The following AGAP3 variants were observed in gnomAD, a reference collection of about 807,000 sequenced individuals.
AGAP3 encodes the protein ArfGAP with GTPase domain, ankyrin repeat and PH domain 3, also known as arf-GAP with GTPase, ANK repeat and PH domain-containing protein 3.
Under a neutral mutation model 96.9 loss-of-function variants are expected in AGAP3, and 24 were observed. The ratio of observed to expected loss-of-function variants is 0.25; its 90% CI spans 0.18 to 0.35. The LOEUF (loss-of-function observed/expected upper bound fraction) is 0.35. Among genes scored for constraint, AGAP3 ranks in the 10% least tolerant of loss-of-function variants. The pLI, the probability that AGAP3 is intolerant of heterozygous loss-of-function variation, is 1.00. For missense variants in AGAP3, 876 were observed against 1,254.2 expected (o/e 0.70, Z 4.55); for synonymous variants, 563 against 536.1 (o/e 1.05, Z -0.69).
intron 1 of AGAP3, chr7:151,116,492 T>G (rs1585072297): frequency 4.3e-6 from 2 of 465,486 alleles, no homozygotes; most frequent in Non-Finnish European, 3.9e-6. Flanking sequence ...TGTGGCTTGG[T>G]GGGGGGACAA....
chr7:151,086,857 C>T lies in AGAP3; in HGVS notation c.116C>T (p.Ala39Val). ...GTCTGCGGCGGGCAGTTCGGCGGCG[C>T]GGGGCCCGGGGCCGGGGGCGGCGGC... ...QLVCGGQFGG[A>V]GPGAGGGGGP... The change falls in exon 1 of 18, where the codon GCG becomes GTG. Residue 39 changes from alanine to valine, a missense_variant. Ala to Val is a moderately conservative substitution (Grantham distance 64). This residue lies in a region of AGAP3 where 62 missense variants were observed against 82.8 expected (regional missense o/e 0.75). Coordinates refer to ENST00000397238, the MANE Select transcript of AGAP3 (RefSeq NM_031946.7). 7.1e-6 allele frequency: 7 copies of T among 982,216 alleles called. No homozygotes were observed. In the South Asian group the frequency reaches 2.5e-4, roughly 35 times the overall value. 60.8% of individuals were successfully genotyped at this position (982,216 alleles called of 1,614,324 possible).
rs975771049 is a variant in AGAP3, at chr7:151,116,994, C to G, written c.391-101C>G. ...CTCTGCCCTCTCTCCTCCCCTTCAG[C>G]CCTGGCCTTTCTCCCTCCTGCTGCT... is the stretch of plus-strand genomic sequence containing the variant. On this transcript the variant is annotated intron_variant, in intron 2 of 17. Transcript: ENST00000397238. 4.7e-6 allele frequency: 7 copies of G among 1,474,444 alleles called. No homozygotes were observed. In the African/African-American group the frequency reaches 6.9e-5, roughly 15 times the overall value. The allele number at this position is 1,474,444 out of a possible 1,614,324, so 91.3% of individuals were successfully genotyped here. A position where few individuals can be genotyped will look rare whatever the true frequency, so the allele number is the denominator to read the frequency against.
intron 7 of AGAP3, 124 bp from the exon 8 acceptor site, chr7:151,119,863 G>C (rs1799786107): frequency 2.4e-6 from 2 of 823,218 alleles, no homozygotes; most frequent in South Asian, 3.4e-5. Flanking sequence ...GTAGGGGCTA[G>C]TGGCCCCTCT....
In AGAP3 at chr7:151,139,133, A is replaced by G. The variant is rs1256401553; in HGVS notation, c.1666+820A>G. Among the ~76,000 whole-genome samples the G allele has an allele frequency of 6.6e-6, 1 of 152,192 alleles. No individual in the cohort carries two copies. The highest frequency in any genetic ancestry group is 1.9e-4 in the East Asian group (1 of 5,188). ...TTGTCCTGAGTGATGGTGTAATGAC[A>G]GGAAGACCCAGGGTGCCCCACTGTC... is the stretch of plus-strand genomic sequence containing the variant. On this transcript the variant is annotated intron_variant, in intron 12 of 17. Coordinates refer to ENST00000397238, the MANE Select transcript of AGAP3 (RefSeq NM_031946.7). This position sits in a 1 kb window ranked among gnomAD's most constrained non-coding sequence, Gnocchi z 4.9.
intron 1 of AGAP3, chr7:151,115,695 G>C (rs1799540502): frequency 3.7e-6 from 4 of 1,073,240 alleles, no homozygotes; most frequent in East Asian, 9.6e-5. Context: ...CGGGAGAAAA[G>C]CCGGACGCGC....
At chr7:151,123,461 C>A in intron 8 of AGAP3, 6 of 1,164,744 alleles carry the variant, frequency 5.2e-6, no homozygotes, top group South Asian at 2.3e-5. Context: ...CCTGTGCTCC[C>A]GACCAGCAGC....
chr7:151,132,352 C>G (rs1446167346), intron 10 of AGAP3, among the ~76,000 whole-genome samples: 1 of 152,244 alleles, frequency 6.6e-6, no homozygotes, highest in Middle Eastern at 3.2e-3. Flanking sequence ...ATGAACAAGA[C>G]TTTAGCACAT....
At chr7:151,105,983 C>CA (rs1162536123) in intron 1 of AGAP3, among the ~76,000 whole-genome samples, 1 of 151,500 alleles carries the variant, frequency 6.6e-6, no homozygotes, top group Non-Finnish European at 1.5e-5. Context: ...AAACACCAAC[C>CA]AATCTGAGGT....
rs1243405348 is a variant in AGAP3, at chr7:151,103,709, C to T, written c.332-13084C>T. On this transcript the variant is annotated intron_variant, in intron 1 of 17. Transcript: ENST00000397238. The stretch of plus-strand genomic sequence containing the variant: ...CTGATATTTAGTAGCTGACCCATAA[C>T]CACACTTCCCCAGCGATGCCTGAAA... 3.3e-5 allele frequency among the ~76,000 whole-genome samples: 5 copies of T among 152,178 alleles called. No homozygotes were observed. In the East Asian group the frequency reaches 7.7e-4, roughly 23 times the overall value.
At chr7:151,137,888 C>T (rs1025044395) in intron 11 of AGAP3, 2 of 522,916 alleles carry the variant, frequency 3.8e-6, no homozygotes, top group Non-Finnish European at 6.7e-6. Flanking sequence ...ATGCAGAGAC[C>T]CCCCGCCCCG....
At chr7:151,107,974 G>C (rs1799125785) in intron 1 of AGAP3, among the ~76,000 whole-genome samples, 1 of 152,228 alleles carries the variant, frequency 6.6e-6, no homozygotes, top group Non-Finnish European at 1.5e-5. Flanking sequence ...GAGATGCTGT[G>C]AGGTGTAGGA....
chr7:151,095,594 C>A (rs1460117175), intron 1 of AGAP3, among the ~76,000 whole-genome samples: 1 of 151,582 alleles, frequency 6.6e-6, no homozygotes, highest in Non-Finnish European at 1.5e-5. Context: ...GGGATCCCCA[C>A]CCCTTCCTGG....
chr7:151,123,526 T>C, intron 8 of AGAP3: 7 of 1,275,142 alleles, frequency 5.5e-6, no homozygotes, highest in Non-Finnish European at 7.0e-6. Context: ...CCGGGCGTGC[T>C]CCTCGCGCCC....
In AGAP3 at chr7:151,142,535, A is replaced by T. The variant is rs1255014363; in HGVS notation, c.2174A>T (p.Glu725Val). The change falls in exon 16 of 18, where the codon GAG becomes GTG. Residue 725 changes from glutamate (E) to valine (V), a missense_variant. Around this residue, in one of 8 missense-constraint regions of AGAP3, gnomAD observed 103 missense variants for 183.0 expected, o/e 0.56. Transcript: ENST00000397238. This position sits in a 1 kb window ranked among gnomAD's most constrained non-coding sequence, Gnocchi z 7.5. ...RSLDLDDWPP[E>V]LLAVMTAMGN... ...CTTGACCTCGATGACTGGCCGCCTG[A>T]GCTGCTGGCTGTCATGACTGCCATG... 6.2e-7 allele frequency: 1 copy of T among 1,613,602 alleles called. No individual in the cohort carries two copies. The highest frequency in any genetic ancestry group is 8.5e-7 in the Non-Finnish European group (1 of 1,180,024).
Position 151,118,727 on chromosome 7 carries a change from T to C in AGAP3, c.969+95T>C. 1.3e-6 allele frequency: 2 copies of C among 1,482,842 alleles called. No homozygotes were observed. The highest frequency in any genetic ancestry group is 1.8e-6 in the Non-Finnish European group (2 of 1,086,642). 91.9% of individuals were successfully genotyped at this position (1,482,842 alleles called of 1,614,324 possible). On this transcript the variant is annotated intron_variant, in intron 7 of 17. Coordinates refer to ENST00000397238, the MANE Select transcript of AGAP3 (RefSeq NM_031946.7). The surrounding 1 kb of genome is among the most constrained non-coding windows in gnomAD (Gnocchi z 6.1). Reference sequence around the variant, plus strand: ...CTTCTGCTGGCCTCCTGCTCACACCTGTCCACCTTCCTCTGGCCTCCCAGC... The same window carrying C: ...CTTCTGCTGGCCTCCTGCTCACACCCGTCCACCTTCCTCTGGCCTCCCAGC...
chr7:151,121,813 T>C (rs1035152878), intron 8 of AGAP3, among the ~76,000 whole-genome samples: 21 of 152,214 alleles, frequency 1.4e-4, no homozygotes, highest in African/African-American at 5.1e-4. Flanking sequence ...CGTCCGTCTC[T>C]GTGGGTGTAT....
chr7:151,093,603 G>A (rs1798483106), intron 1 of AGAP3, among the ~76,000 whole-genome samples: 1 of 152,168 alleles, frequency 6.6e-6, no homozygotes, highest in Non-Finnish European at 1.5e-5. Flanking sequence ...CATCCTTCTG[G>A]TCTTTTTTCT....
intron 1 of AGAP3, among the ~76,000 whole-genome samples, chr7:151,091,890 G>A (rs534741698): frequency 4.6e-5 from 7 of 152,226 alleles, no homozygotes; most frequent in South Asian, 4.2e-4. Flanking sequence ...CTGGGGGTCC[G>A]GAGGATTCCC....
chr7:151,092,045 T>A (rs1016442312), intron 1 of AGAP3, among the ~76,000 whole-genome samples: 1 of 152,168 alleles, frequency 6.6e-6, no homozygotes, highest in Non-Finnish European at 1.5e-5. Flanking sequence ...GAAGGAGTAT[T>A]TCATGCTTTC....
Sources: gnomAD v4.1 joint callset for allele counts (sites outside exome capture counted in the v4.1 genomes callset) on GRCh38, gnomAD v4.1.1 for gene constraint, gnomAD v4.1.1 regional missense constraint, Gnocchi (gnomAD v3.1) non-coding constraint, MANE v1.5 for transcripts, NCBI Gene and HGNC (gene_info 2026-07-23, HGNC 2026-07-21) for gene names.